Variants in KIF26B observed in about 807,000 individuals in gnomAD.
KIF26B encodes kinesin-like protein KIF26B.
In KIF26B, 63 loss-of-function variants were observed where a neutral mutation model predicts 151.2. The observed-to-expected ratio is 0.42, with a 90% confidence interval of 0.34 to 0.51. KIF26B has a LOEUF of 0.51. Ranked by LOEUF, KIF26B falls within the 20% of genes least tolerant of loss-of-function variation. The pLI is 0.07. For missense variants in KIF26B, 2,813 were observed against 2,913.6 expected, an observed-to-expected ratio of 0.97 and a Z score of 0.79; for synonymous variants, 1,357 against 1,262.1, an observed-to-expected ratio of 1.08 and a Z score of -1.59.
intron 5 of KIF26B, among the ~76,000 whole-genome samples, chr1:245,576,987 T>C (rs950706292): frequency 6.6e-6 from 1 of 152,238 alleles, no homozygotes; most frequent in Non-Finnish European, 1.5e-5. Context: ...ATTTCACTTA[T>C]ATACTTTGGG....
At chr1:245,334,346 C>T (rs1672180470) in intron 2 of KIF26B, among the ~76,000 whole-genome samples, 1 of 152,060 alleles carries the variant, frequency 6.6e-6, no homozygotes, top group African/African-American at 2.4e-5. Context: ...TGTTAACTAA[C>T]TCTGTTCAGT....
chr1:245,697,519 G>T (rs1236996372), intron 12 of KIF26B, among the ~76,000 whole-genome samples: 1 of 152,190 alleles, frequency 6.6e-6, no homozygotes, highest in Non-Finnish European at 1.5e-5. Flanking sequence ...ACCTATCCAT[G>T]CTGAGGATGC....
At chr1:245,155,850 G>C (rs1668420451) in intron 1 of KIF26B, among the ~76,000 whole-genome samples, 1 of 152,218 alleles carries the variant, frequency 6.6e-6, no homozygotes, top group African/African-American at 2.4e-5. Flanking sequence ...TGCAGGATCC[G>C]GAGAGTTGGA....
In KIF26B at chr1:245,560,025, G is replaced by A. The variant is rs184444114; in HGVS notation, c.1350+19075G>A. 2.2e-4 allele frequency among the ~76,000 whole-genome samples: 34 copies of A among 152,020 alleles called. No homozygotes were observed. The highest frequency in any genetic ancestry group is 6.2e-4 in the South Asian group (3 of 4,802). On this transcript the variant is annotated intron_variant, in intron 5 of 14. Coordinates refer to ENST00000407071, the MANE Select transcript of KIF26B (RefSeq NM_018012.4). The surrounding 1 kb of genome is among the most constrained non-coding windows in gnomAD (Gnocchi z 4.3). ...TGCCAGGGATGCTCGTCTCTCATTCGTTTTTTTGGCGTGGAAACACGCTGC... is the reference window on the plus strand; with the variant it reads ...TGCCAGGGATGCTCGTCTCTCATTCATTTTTTTGGCGTGGAAACACGCTGC...
intron 2 of KIF26B, among the ~76,000 whole-genome samples, chr1:245,169,360 T>TGTGTGTGTGTGTGTGC (rs1230032870): frequency 6.6e-6 from 1 of 151,734 alleles, no homozygotes; most frequent in Non-Finnish European, 1.5e-5. Flanking sequence ...TGTGTGTGTG[T>TGTGTGTGTGTGTGTGC]GTGCGCGCAA....
intron 4 of KIF26B, among the ~76,000 whole-genome samples, chr1:245,463,448 C>A (rs550594254): frequency 6.6e-6 from 1 of 152,296 alleles, no homozygotes; most frequent in African/African-American, 2.4e-5. Context: ...ACATCCGTAC[C>A]ATGACGGGTT....
At chr1:245,339,260 G>A (rs1304178934) in intron 2 of KIF26B, among the ~76,000 whole-genome samples, 2 of 152,188 alleles carry the variant, frequency 1.3e-5, no homozygotes, top group Admixed American at 6.5e-5. Flanking sequence ...TTACAGGCAT[G>A]AGCCACCGCA....
rs879260509 is a variant in KIF26B, at chr1:245,169,362, T to TGTGTGTGC, written c.465+12680_465+12681insTGTGTGCG. On this transcript the variant is annotated intron_variant, in intron 2 of 14. Transcript: ENST00000407071. ...GTGTGTGTGTGTGTGTGTGTGTGTG[T>TGTGTGTGC]GCGCGCAAGCACTTTGTGGAGGCCC... Among the ~76,000 whole-genome samples the TGTGTGTGC allele has an allele frequency of 6.6e-3, 992 of 151,058 alleles. 4 individuals carry two copies. The highest frequency in any genetic ancestry group is 0.011 in the African/African-American group (453 of 40,658).
At chr1:245,419,976 T>A (rs541820269) in intron 4 of KIF26B, among the ~76,000 whole-genome samples, 10 of 152,246 alleles carry the variant, frequency 6.6e-5, no homozygotes, top group African/African-American at 2.4e-4. Flanking sequence ...CCTGTACCCC[T>A]CGATGTGTGC....
intron 9 of KIF26B, among the ~76,000 whole-genome samples, chr1:245,615,741 G>A (rs1238837934): frequency 6.6e-6 from 1 of 152,226 alleles, no homozygotes; most frequent in African/African-American, 2.4e-5. Flanking sequence ...GAGTCCAGGG[G>A]TCGTGCGATC....
At chr1:245,378,089 A>G (rs1034226299) in intron 3 of KIF26B, among the ~76,000 whole-genome samples, 11 of 152,176 alleles carry the variant, frequency 7.2e-5, no homozygotes, top group African/African-American at 1.9e-4. Flanking sequence ...ACCACCTGAG[A>G]GTAGATAAAT....
In KIF26B at chr1:245,512,493, AC is replaced by A. The variant is rs1660859441; in HGVS notation, c.1167-28273del. Among the ~76,000 whole-genome samples the A allele has an allele frequency of 6.6e-6, 1 of 152,214 alleles. No homozygotes were observed. The highest frequency in any genetic ancestry group is 1.5e-5 in the Non-Finnish European group (1 of 68,036). On this transcript the variant is annotated intron_variant, in intron 4 of 14. Coordinates refer to ENST00000407071, the MANE Select transcript of KIF26B (RefSeq NM_018012.4). This position sits in a 1 kb window ranked among gnomAD's most constrained non-coding sequence, Gnocchi z 4.3. Reference sequence around the variant, plus strand: ...GAGCAGTAGAATGAGATCATATCTTACAAACCTGACCCAAAGTGTTCCTAAC... The same window carrying A: ...GAGCAGTAGAATGAGATCATATCTTAAAACCTGACCCAAAGTGTTCCTAAC...
Position 245,688,487 on chromosome 1 carries a change from C to G in KIF26B, c.5504C>G (p.Ala1835Gly), listed in dbSNP as rs1345780416. 7.0e-7 allele frequency: 1 copy of G among 1,435,100 alleles called. No individual in the cohort carries two copies. Among genetic ancestry groups the G allele is most frequent in the Non-Finnish European group, 9.1e-7 (1 of 1,103,604 alleles). 88.9% of individuals were successfully genotyped at this position (1,435,100 alleles called of 1,614,324 possible). A position where few individuals can be genotyped will look rare whatever the true frequency, so the allele number is the denominator to read the frequency against. ...AGPEAEARGG[A>G]LAEDEPAAAH... ...CCCGAGGCGGAGGCGCGCGGGGGGG[C>G]CCTGGCCGAGGACGAGCCCGCGGCC... Residue 1835 changes from alanine to glycine, a missense_variant, in exon 12 of 15, where the codon GCC (alanine) becomes GGC (glycine). By Grantham distance (60) the Ala-to-Gly change is moderately conservative (BLOSUM62 0). This residue lies in a region of KIF26B where 2,060 missense variants were observed against 2,088.6 expected (regional missense o/e 0.99). Coordinates refer to ENST00000407071, the MANE Select transcript of KIF26B (RefSeq NM_018012.4).
chr1:245,264,860 T>C (rs1377339144), intron 2 of KIF26B, among the ~76,000 whole-genome samples: 1 of 149,294 alleles, frequency 6.7e-6, no homozygotes, highest in Non-Finnish European at 1.5e-5. Flanking sequence ...GCGACTGCAC[T>C]CCAGCCTGGG....
intron 2 of KIF26B, among the ~76,000 whole-genome samples, chr1:245,345,868 T>C (rs2102998083): frequency 6.6e-6 from 1 of 152,096 alleles, no homozygotes; most frequent in African/African-American, 2.4e-5. Flanking sequence ...TGTAGAACCG[T>C]GCGCCAGTGA....
At chr1:245,280,479 C>G (rs564964517) in intron 2 of KIF26B, among the ~76,000 whole-genome samples, 1 of 138,628 alleles carries the variant, frequency 7.2e-6, no homozygotes, top group African/African-American at 2.8e-5. Context: ...TGCAGTAAGC[C>G]GAGATCGCAC....
Position 245,431,825 on chromosome 1 carries a change from G to A in KIF26B, c.1166+12080G>A, listed in dbSNP as rs138493258. On this transcript the variant is annotated intron_variant, in intron 4 of 14. Transcript: ENST00000407071. ...TAATTTTGTTAGTTACTAAAATATC[G>A]CTTTCAGTCTCATGCAGTAAAAGCA... Among the ~76,000 whole-genome samples the A allele has an allele frequency of 1.6e-3, 238 of 152,200 alleles. 1 individual carries two copies. Among genetic ancestry groups the A allele is most frequent in the Non-Finnish European group, 2.5e-3 (169 of 68,016 alleles).
chr1:245,461,239 G>A (rs1287435851), intron 4 of KIF26B, among the ~76,000 whole-genome samples: 1 of 152,104 alleles, frequency 6.6e-6, no homozygotes, highest in African/African-American at 2.4e-5. Context: ...GGCTGACGTG[G>A]TAGAATCCAG....
intron 4 of KIF26B, among the ~76,000 whole-genome samples, chr1:245,442,601 T>C (rs1659133236): frequency 6.6e-6 from 1 of 152,170 alleles, no homozygotes; most frequent in South Asian, 2.1e-4. Context: ...CTGACCATAC[T>C]GGGGAACTCT....
Sources: allele counts gnomAD v4.1 joint callset (sites outside exome capture counted in the v4.1 genomes callset), GRCh38; gene constraint gnomAD v4.1.1; regional missense constraint gnomAD v4.1.1; non-coding constraint Gnocchi (gnomAD v3.1); transcripts MANE v1.5; gene names NCBI Gene and HGNC (gene_info 2026-07-23, HGNC 2026-07-21).